SNX29: variants seen among roughly 807,000 people sequenced by gnomAD.
SNX29 encodes the protein sorting nexin 29.
Under a neutral mutation model 102.1 loss-of-function variants are expected in SNX29, and 78 were observed. The ratio of observed to expected loss-of-function variants is 0.76; its 90% CI spans 0.64 to 0.92. SNX29 has a LOEUF of 0.92. Among genes scored for constraint, SNX29 ranks in the 40% least tolerant of loss-of-function variants. The pLI is 0.00. For synonymous variants in SNX29, 580 were observed against 414.5 expected, an observed-to-expected ratio of 1.40 and a Z score of -4.85; for missense variants, 1,280 against 1,061.7, an observed-to-expected ratio of 1.21 and a Z score of -2.86.
intron 1 of SNX29, 33 bp from the exon 2 acceptor site, chr16:11,999,264 A>G (rs764967317): frequency 1.7e-5 from 27 of 1,611,184 alleles, no homozygotes; most frequent in Non-Finnish European, 2.2e-5. Context: ...TCCGAGCGTC[A>G]GAGAGAACTA....
At chr16:12,524,660 G>T in intron 19 of SNX29, 42 bp from the exon 20 acceptor site, 1 of 1,602,534 alleles carries the variant, frequency 6.2e-7, no homozygotes, top group South Asian at 1.1e-5. Context: ...CTGACCAGGT[G>T]AGGAAGACGT....
chr16:12,356,016 C>G (rs1425481030), intron 15 of SNX29, 147 bp from the exon 16 acceptor site: 1 of 660,040 alleles, frequency 1.5e-6, no homozygotes. Flanking sequence ...TTGCATGGTT[C>G]ACAGGTAAGC....
intron 18 of SNX29, among the ~76,000 whole-genome samples, chr16:12,472,383 G>C (rs952799170): frequency 2.0e-4 from 31 of 152,028 alleles, no homozygotes; most frequent in Non-Finnish European, 4.1e-4. Context: ...AGCCAGGCGT[G>C]TGGCAGGCAC....
At chr16:12,537,000 G>A (rs540748737) in intron 20 of SNX29, among the ~76,000 whole-genome samples, 31 of 152,188 alleles carry the variant, frequency 2.0e-4, no homozygotes, top group African/African-American at 7.5e-4. Flanking sequence ...AATAAAAAGA[G>A]TTGTTCAGGG....
intron 13 of SNX29, among the ~76,000 whole-genome samples, chr16:12,152,567 G>T (rs1398564634): frequency 1.3e-5 from 2 of 152,058 alleles, no homozygotes; most frequent in African/African-American, 4.8e-5. Flanking sequence ...CCATCAAATG[G>T]GGCAAACCAC....
At chr16:11,983,483 A>AT (rs2055474412) in intron 1 of SNX29, among the ~76,000 whole-genome samples, 2 of 152,192 alleles carry the variant, frequency 1.3e-5, no homozygotes, top group Admixed American at 1.3e-4. Flanking sequence ...GCTGAAATGA[A>AT]TGAATGAATG....
intron 1 of SNX29, among the ~76,000 whole-genome samples, chr16:11,993,737 C>G (rs1207660790): frequency 6.6e-6 from 1 of 152,006 alleles, no homozygotes; most frequent in African/African-American, 2.4e-5. Flanking sequence ...AATGGTGACC[C>G]CAGGCAGAAG....
At chr16:12,138,046 G>A (rs578186787) in intron 13 of SNX29, among the ~76,000 whole-genome samples, 4 of 152,260 alleles carry the variant, frequency 2.6e-5, no homozygotes, top group African/African-American at 9.6e-5. Context: ...GATTAGCAAT[G>A]TCTGCCATGC....
intron 13 of SNX29, among the ~76,000 whole-genome samples, chr16:12,172,276 G>A (rs2076166211): frequency 1.3e-5 from 2 of 152,194 alleles, no homozygotes; most frequent in African/African-American, 4.8e-5. Context: ...AGAAAAAGAA[G>A]GGAGGAGGAA....
chr16:11,989,895 G>GT (rs2055781801), intron 1 of SNX29, among the ~76,000 whole-genome samples: 1 of 152,212 alleles, frequency 6.6e-6, no homozygotes, highest in Non-Finnish European at 1.5e-5. Flanking sequence ...TCGGGAGGCT[G>GT]TTTTTTCTTT....
At chr16:12,043,114 C>G in intron 5 of SNX29, 37 bp downstream of exon 5, 1 of 1,607,694 alleles carries the variant, frequency 6.2e-7, no homozygotes. Flanking sequence ...TGGGATGGAG[C>G]AAGAGGTGAA....
chr16:12,299,145 C>A (rs1363701944), intron 15 of SNX29, among the ~76,000 whole-genome samples: 1 of 151,926 alleles, frequency 6.6e-6, no homozygotes, highest in African/African-American at 2.4e-5. Flanking sequence ...ACTAAAAATA[C>A]AAAAATTAGT....
intron 1 of SNX29, among the ~76,000 whole-genome samples, chr16:11,994,475 A>G (rs1305776562): frequency 6.6e-6 from 1 of 152,140 alleles, no homozygotes; most frequent in African/African-American, 2.4e-5. Flanking sequence ...ATGGAGGTCG[A>G]GGGTGAGCAG....
chr16:12,558,944 G>A (rs12162092), intron 20 of SNX29, among the ~76,000 whole-genome samples: 30,420 of 152,158 alleles, frequency 0.2, 3,212 homozygotes, highest in East Asian at 0.43. Flanking sequence ...GGTTGATATC[G>A]GCCCCATGTT....
intron 20 of SNX29, among the ~76,000 whole-genome samples, chr16:12,555,497 T>A (rs2078277318): frequency 6.6e-6 from 1 of 151,298 alleles, no homozygotes. Context: ...TTGTGGGGAG[T>A]CACGCAGGGA....
intron 16 of SNX29, among the ~76,000 whole-genome samples, chr16:12,364,519 G>A (rs1597086400): frequency 2.0e-5 from 3 of 151,936 alleles, no homozygotes; most frequent in Admixed American, 2.0e-4. Context: ...CTTTTAGCGG[G>A]ATTTGATTAC....
At chr16:12,309,866 G>A (rs569657501) in intron 15 of SNX29, among the ~76,000 whole-genome samples, 1 of 152,164 alleles carries the variant, frequency 6.6e-6, no homozygotes, top group Non-Finnish European at 1.5e-5. Context: ...CCTACCCTTG[G>A]TCTGAAGTCT....
chr16:12,397,852 G>C (rs2083775266), intron 16 of SNX29, among the ~76,000 whole-genome samples: 1 of 152,200 alleles, frequency 6.6e-6, no homozygotes, highest in Non-Finnish European at 1.5e-5. Context: ...CACCTCCACA[G>C]TGTGGGGTCA....
At position 12,477,955 on chromosome 16, in the gene SNX29, C is replaced by T. The variant is rs1190787104; in HGVS notation, c.2178+96C>T. The T allele has an allele frequency of 4.3e-6, 6 of 1,381,704 alleles. No individual in the cohort carries two copies. The African/African-American group carries it at 4.4e-5, about 10-fold the overall frequency. 85.6% of individuals were successfully genotyped at this position (1,381,704 alleles called of 1,614,324 possible). ...AGTCCGTTGCTTAAAAACACATGCT[C>T]CTTAAAGAAAAGTTGGTGGAGATAA... is the stretch of plus-strand genomic sequence containing the variant. On this transcript the variant is annotated intron_variant, in intron 19 of 20. Coordinates refer to ENST00000566228, the MANE Select transcript of SNX29 (RefSeq NM_032167.5).
Sources: gnomAD v4.1 joint callset for allele counts (sites outside exome capture counted in the v4.1 genomes callset) on GRCh38, gnomAD v4.1.1 for gene constraint, MANE v1.5 for transcripts, NCBI Gene and HGNC (gene_info 2026-07-23, HGNC 2026-07-21) for gene names.